TWF1: variants seen among roughly 807,000 people sequenced by gnomAD.
The protein encoded by TWF1 is twinfilin-1.
Under a neutral mutation model 47.9 loss-of-function variants are expected in TWF1, and 14 were observed. The ratio of observed to expected loss-of-function variants is 0.29; its 90% CI spans 0.19 to 0.46. The LOEUF is 0.46. Ranked by LOEUF, TWF1 falls within the 20% of genes least tolerant of loss-of-function variation. The pLI is 1.00. For missense variants in TWF1, 281 were observed against 409.3 expected, an observed-to-expected ratio of 0.69 and a Z score of 2.70; for synonymous variants, 96 against 139.2, an observed-to-expected ratio of 0.69 and a Z score of 2.18.
intron 2 of TWF1, among the ~76,000 whole-genome samples, chr12:43,802,993 A>C (rs1942689591): frequency 1.3e-5 from 2 of 152,180 alleles, no homozygotes; most frequent in African/African-American, 4.8e-5. Context: ...CAGCAGAATC[A>C]AGTAAAACTG....
At position 43,793,749 on chromosome 12, in the gene TWF1, T is replaced by C. The variant is rs978593968; in HGVS notation, c.*1836A>G. 1 of 152,632 alleles carries C rather than the reference T, an allele frequency of 6.6e-6. No homozygotes were observed. Among genetic ancestry groups the C allele is most frequent in the African/African-American group, 2.4e-5 (1 of 41,444 alleles). The allele number at this position is 152,632 out of a possible 1,614,324, so 9.5% of individuals were successfully genotyped here. A position where few individuals can be genotyped will look rare whatever the true frequency, so the allele number is the denominator to read the frequency against. On this transcript the variant is annotated 3_prime_UTR_variant, in exon 9 of 9. Coordinates refer to ENST00000395510, the MANE Select transcript of TWF1 (RefSeq NM_002822.5). ...TAAAGAGAAAAAATTTTTATTGTGA[T>C]ATAAAATGCACTTATAAAATGTCCA... is the stretch of plus-strand genomic sequence containing the variant.
At chr12:43,801,154 G>T (rs539956311) in intron 3 of TWF1, among the ~76,000 whole-genome samples, 141 of 152,258 alleles carry the variant, frequency 9.3e-4, no homozygotes, top group African/African-American at 3.1e-3. Flanking sequence ...CTGAAATGAA[G>T]TAACTTTGAT....
In TWF1 at chr12:43,802,479, T is replaced by A; in HGVS notation, c.104-15A>T. ...CACAAGTTGCTCTATGAAAAATTAT[T>A]TTTAGAAAGATAGGTAAATGGTTTG... On this transcript the variant is annotated splice_polypyrimidine_tract_variant and intron_variant, in intron 2 of 8. Coordinates refer to ENST00000395510, the MANE Select transcript of TWF1 (RefSeq NM_002822.5). 1 of 1,590,640 alleles carries A rather than the reference T, an allele frequency of 6.3e-7. No homozygotes were observed. Among genetic ancestry groups the A allele is most frequent in the Non-Finnish European group, 8.6e-7 (1 of 1,166,648 alleles).
Position 43,806,084 on chromosome 12 carries a change from C to A in TWF1, c.25+137G>T, listed in dbSNP as rs750550969. The stretch of plus-strand genomic sequence containing the variant: ...CGGGAAGCAGGAGCGCGGAGAGGCG[C>A]CGAGGCCCGGCTCGCCCCGCGAGAC... On this transcript the variant is annotated intron_variant, in intron 1 of 8. Transcript: ENST00000395510. 6.6e-6 allele frequency: 10 copies of A among 1,518,616 alleles called. No homozygotes were observed. In the South Asian group the frequency reaches 1.1e-4, roughly 16 times the overall value. The allele number at this position is 1,518,616 out of a possible 1,614,324, so 94.1% of individuals were successfully genotyped here.
chr12:43,805,252 G>A (rs960120184), intron 1 of TWF1, among the ~76,000 whole-genome samples: 4 of 152,166 alleles, frequency 2.6e-5, no homozygotes, highest in Non-Finnish European at 5.9e-5. Flanking sequence ...TAAGGCTCAA[G>A]CATGAGAGTC....
In TWF1 at chr12:43,795,478, G is replaced by A. The variant is rs1942532037; in HGVS notation, c.*107C>T. 4.4e-6 allele frequency: 5 copies of A among 1,136,168 alleles called. No individual in the cohort carries two copies. The South Asian group carries it at 8.7e-5, about 20-fold the overall frequency. The allele number at this position is 1,136,168 out of a possible 1,614,324, so 70.4% of individuals were successfully genotyped here. On this transcript the variant is annotated 3_prime_UTR_variant, in exon 9 of 9. Coordinates refer to ENST00000395510, the MANE Select transcript of TWF1 (RefSeq NM_002822.5). ...AGTGAAAAGTGCTATTTTCCAAAAA[G>A]TACAATTTTTTTCCCTACTTTATAT... is the stretch of plus-strand genomic sequence containing the variant.
chr12:43,802,389 A>C lies in TWF1; in HGVS notation c.179T>G (p.Leu60Arg), dbSNP rs980119818. 1.4e-5 allele frequency: 23 copies of C among 1,606,468 alleles called. No individual in the cohort carries two copies. Among genetic ancestry groups the C allele is most frequent in the Non-Finnish European group, 1.9e-5 (22 of 1,175,660 alleles). Residue 60 changes from leucine (L) to arginine (R), a missense_variant, in exon 3 of 9, where the codon CTG becomes CGG. By Grantham distance (102) the Leu-to-Arg change is moderately radical (BLOSUM62 -2). Transcript: ENST00000395510. The stretch of plus-strand genomic sequence containing the variant: ...ATAGCATGGTTGTTTGTCCTCCAAC[A>C]GGGGTAAAACAAAGGAATCATAATC... Reference protein sequence around the residue: ...DKDYDSFVLPLLEDKQPCYIL... With the variant: ...DKDYDSFVLPRLEDKQPCYIL...
intron 1 of TWF1, among the ~76,000 whole-genome samples, 186 bp from the exon 2 acceptor site, chr12:43,804,758 T>C (rs1364216424): frequency 6.6e-6 from 1 of 152,228 alleles, no homozygotes; most frequent in African/African-American, 2.4e-5. Context: ...ATATAAATAT[T>C]AGCATTTTAA....
At chr12:43,797,908 C>G in intron 5 of TWF1, 75 bp from the exon 6 acceptor site, 1 of 1,465,456 alleles carries the variant, frequency 6.8e-7, no homozygotes, top group Non-Finnish European at 9.2e-7. Flanking sequence ...AACCCAACCT[C>G]TATAAAATAG....
At position 43,799,398 on chromosome 12, in the gene TWF1, C is replaced by T. The variant is rs1942617527; in HGVS notation, c.483G>A (p.Glu161=). 31 of 1,594,124 alleles carry T rather than the reference C, an allele frequency of 1.9e-5. No individual in the cohort carries two copies. The highest frequency in any genetic ancestry group is 2.5e-5 in the Non-Finnish European group (29 of 1,166,826). Residue 161 remains glutamate (E), a splice_region_variant and synonymous_variant, in exon 5 of 9, where the codon GAG becomes GAA. Coordinates refer to ENST00000395510, the MANE Select transcript of TWF1 (RefSeq NM_002822.5). ...EEELRQIKIN[E]VQTDVGVDTK... ...CAAAGACTTTGTAGTTGTAACTTAC[C>T]TCATTGATTTTAATCTGTCGTAGTT...
chr12:43,799,080 G>A (rs74619110), intron 5 of TWF1, among the ~76,000 whole-genome samples: 8 of 151,966 alleles, frequency 5.3e-5, no homozygotes, highest in Non-Finnish European at 8.8e-5. Context: ...TGCACTAAAT[G>A]GGTAACACAC....
At position 43,797,982 on chromosome 12, in the gene TWF1, T is replaced by C. The variant is rs976662003; in HGVS notation, c.484-149A>G. 3 of 779,346 alleles carry C rather than the reference T, an allele frequency of 3.8e-6. No homozygotes were observed. The African/African-American group carries it at 5.3e-5, about 14-fold the overall frequency. The allele number at this position is 779,346 out of a possible 1,614,324, so 48.3% of individuals were successfully genotyped here. On this transcript the variant is annotated intron_variant, in intron 5 of 8. Coordinates refer to ENST00000395510, the MANE Select transcript of TWF1 (RefSeq NM_002822.5). ...TTTTCACATTTGTTTACGGTCCTGC[T>C]AGCATTTTGTCAACATGCAGAGTGC...
At chr12:43,802,660 A>G (rs1942683681) in intron 2 of TWF1, among the ~76,000 whole-genome samples, 196 bp from the exon 3 acceptor site, 1 of 152,240 alleles carries the variant, frequency 6.6e-6, no homozygotes, top group Admixed American at 6.5e-5. Flanking sequence ...CTTTTTATGA[A>G]CATGGTTAAA....
chr12:43,805,721 GGA>G lies in TWF1; in HGVS notation c.25+498_25+499del, dbSNP rs2138156682. 2.9e-5 allele frequency: 31 copies of G among 1,085,928 alleles called. No individual in the cohort carries two copies. In the South Asian group the frequency reaches 3.7e-4, roughly 13 times the overall value. 67.3% of individuals were successfully genotyped at this position (1,085,928 alleles called of 1,614,324 possible). A position where few individuals can be genotyped will look rare whatever the true frequency, so the allele number is the denominator to read the frequency against. On this transcript the variant is annotated intron_variant, in intron 1 of 8. Transcript: ENST00000395510. ...TTTTCCTATTTGGAGAGAAAATGCG[GGA>G]GAGTTTTGGGAAGCACCCCTACTGA...
intron 4 of TWF1, 62 bp downstream of exon 4, chr12:43,800,373 C>G: frequency 8.1e-7 from 1 of 1,233,706 alleles, no homozygotes; most frequent in South Asian, 1.3e-5. Flanking sequence ...TACCCATTAC[C>G]TAGGAGTTCC....
chr12:43,805,016 A>T (rs1361163341), intron 1 of TWF1, among the ~76,000 whole-genome samples: 1 of 152,264 alleles, frequency 6.6e-6, no homozygotes, highest in African/African-American at 2.4e-5. Flanking sequence ...TATATATCAA[A>T]TATCCTAACT....
rs549095021 is a variant in TWF1 at position 43,794,550 on chromosome 12, A to G, written c.*1035T>C. 18 of 150,678 alleles carry G rather than the reference A, an allele frequency of 1.2e-4. No individual in the cohort carries two copies. The South Asian group carries it at 3.4e-3, about 29-fold the overall frequency. 9.3% of individuals were successfully genotyped at this position (150,678 alleles called of 1,614,324 possible). ...AGCAGGTTTAACAGATTAAACATTA[A>G]GTGTTCTAGCTCCCTCTATTTCAAG... On this transcript the variant is annotated 3_prime_UTR_variant, in exon 9 of 9. Transcript: ENST00000395510.
chr12:43,799,527 T>C, intron 4 of TWF1, 25 bp from the exon 5 acceptor site: 1 of 1,332,456 alleles, frequency 7.5e-7, no homozygotes, highest in East Asian at 2.4e-5. Context: ...TAGACTATAA[T>C]CAGTAATTCT....
At chr12:43,804,943 C>A (rs1942730035) in intron 1 of TWF1, among the ~76,000 whole-genome samples, 1 of 152,178 alleles carries the variant, frequency 6.6e-6, no homozygotes, top group African/African-American at 2.4e-5. Context: ...AATTCAGTTT[C>A]AAGCTTATGA....
Sources: allele counts gnomAD v4.1 joint callset (sites outside exome capture counted in the v4.1 genomes callset), GRCh38; gene constraint gnomAD v4.1.1; transcripts MANE v1.5; gene names NCBI Gene and HGNC (gene_info 2026-07-23, HGNC 2026-07-21).